GOLGA3: variants seen among roughly 807,000 people sequenced by gnomAD.
GOLGA3 encodes the protein golgin A3.
GOLGA3 carries 75 observed loss-of-function variants against 169.4 expected under a neutral mutation model. The observed-to-expected ratio is 0.44, with a 90% confidence interval of 0.37 to 0.54. The LOEUF (loss-of-function observed/expected upper bound fraction) is 0.54. Ranked by LOEUF, GOLGA3 falls within the 20% of genes least tolerant of loss-of-function variation. The probability of loss-of-function intolerance (pLI) is 0.00; values close to 1 mark genes in which losing one functional copy is unlikely to be tolerated. For synonymous variants in GOLGA3, 824 were observed against 822.4 expected, an observed-to-expected ratio of 1.00 and a Z score of -0.03; for missense variants, 1,899 against 1,930.0, an observed-to-expected ratio of 0.98 and a Z score of 0.30.
intron 2 of GOLGA3, among the ~76,000 whole-genome samples, chr12:132,819,220 G>A (rs1160859737): frequency 6.6e-6 from 1 of 152,144 alleles, no homozygotes; most frequent in East Asian, 1.9e-4. Context: ...TTTGCTTTTT[G>A]CTCAAGCAAA....
At chr12:132,785,438 G>T (rs2045845340) in intron 15 of GOLGA3, among the ~76,000 whole-genome samples, 1 of 152,110 alleles carries the variant, frequency 6.6e-6, no homozygotes, top group Non-Finnish European at 1.5e-5. Context: ...AGTGTCTCAA[G>T]CATCTGTGTC....
At chr12:132,814,407 C>T (rs910063711) in intron 3 of GOLGA3, among the ~76,000 whole-genome samples, 12 of 152,222 alleles carry the variant, frequency 7.9e-5, no homozygotes, top group African/African-American at 2.9e-4. Flanking sequence ...GCTCTCACCA[C>T]GCTGCAACTT....
chr12:132,800,296 C>A (rs984485600), intron 8 of GOLGA3, among the ~76,000 whole-genome samples: 1 of 152,086 alleles, frequency 6.6e-6, no homozygotes, highest in Non-Finnish European at 1.5e-5. Context: ...GAGTTCAAGA[C>A]GAGCTTGGCC....
At chr12:132,808,749 G>A (rs1949552448) in intron 4 of GOLGA3, among the ~76,000 whole-genome samples, 200 bp from the exon 5 acceptor site, 1 of 152,154 alleles carries the variant, frequency 6.6e-6, no homozygotes, top group African/African-American at 2.4e-5. Flanking sequence ...CCCCACTCTA[G>A]TGACCAGCAT....
chr12:132,798,219 C>A, intron 9 of GOLGA3, 121 bp downstream of exon 9: 1 of 958,682 alleles, frequency 1.0e-6, no homozygotes, highest in Non-Finnish European at 1.5e-6. Flanking sequence ...AGTCACTGCC[C>A]GCCATCCATG....
In GOLGA3 at chr12:132,818,828, C is replaced by T. The variant is rs188018740; in HGVS notation, c.134-2016G>A. ...CCGTGAAGCAGAGACAGCCCAGAAC[C>T]GCGCTTCTGCTTGATGACAGCCTGC... On this transcript the variant is annotated intron_variant, in intron 2 of 23. Transcript: ENST00000450791. 6.6e-5 allele frequency among the ~76,000 whole-genome samples: 10 copies of T among 152,022 alleles called. No homozygotes were observed. In the South Asian group the frequency reaches 8.3e-4, roughly 13 times the overall value.
intron 12 of GOLGA3, 109 bp downstream of exon 12, chr12:132,791,107 G>A: frequency 3.9e-6 from 1 of 256,124 alleles, no homozygotes; most frequent in Non-Finnish European, 7.6e-6. Context: ...AACTCAAGAT[G>A]TTACCTTCTT....
chr12:132,820,171 C>T lies in GOLGA3; in HGVS notation c.133+1825G>A, dbSNP rs190305454. ...AGCCTGGACAACAACAGCAAAACTCCGTCTCAAAAAAAAAAAAATCAGCTA... is the reference window on the plus strand; with the variant it reads ...AGCCTGGACAACAACAGCAAAACTCTGTCTCAAAAAAAAAAAAATCAGCTA... On this transcript the variant is annotated intron_variant, in intron 2 of 23. Transcript: ENST00000450791. 3.7e-3 allele frequency among the ~76,000 whole-genome samples: 558 copies of T among 150,552 alleles called. 12 individuals are homozygous for T. In the Middle Eastern group the frequency reaches 0.062, roughly 17 times the overall value.
chr12:132,811,364 C>G (rs900390257), intron 4 of GOLGA3, among the ~76,000 whole-genome samples: 5 of 152,206 alleles, frequency 3.3e-5, no homozygotes, highest in Non-Finnish European at 7.3e-5. Flanking sequence ...GAACCCAGGC[C>G]CTCTGCGGCC....
chr12:132,813,443 G>C, intron 3 of GOLGA3, 24 bp from the exon 4 acceptor site: 1 of 1,328,456 alleles, frequency 7.5e-7, no homozygotes, highest in Non-Finnish European at 1.1e-6. Flanking sequence ...AGGGCAATTT[G>C]GAAACTCATA....
At position 132,826,240 on chromosome 12, in the gene GOLGA3, CAAAAAAAA is replaced by C; in HGVS notation, c.-184+2555_-184+2562del. On this transcript the variant is annotated intron_variant, in intron 1 of 23. Coordinates refer to ENST00000450791, the MANE Select transcript of GOLGA3 (RefSeq NM_001389683.1). ...GAAATAAAGTTATTTTCTCATTCTC[CAAAAAAAA>C]AAAAAAAAAAGAAACTGGAAGAGCA... 5.5e-6 allele frequency: 4 copies of C among 727,624 alleles called. No homozygotes were observed. The South Asian group carries it at 8.1e-5, about 15-fold the overall frequency. 45.1% of individuals were successfully genotyped at this position (727,624 alleles called of 1,614,324 possible). A position where few individuals can be genotyped will look rare whatever the true frequency, so the allele number is the denominator to read the frequency against.
chr12:132,774,449 GGCC>G, intron 22 of GOLGA3, 129 bp from the exon 23 acceptor site: 1 of 979,976 alleles, frequency 1.0e-6, no homozygotes. Flanking sequence ...GGACCGTCCT[GGCC>G]GCCGTGGCAG....
chr12:132,774,467 G>C lies in GOLGA3; in HGVS notation c.4144-147C>G, dbSNP rs1201318560. 60 of 778,584 alleles carry C rather than the reference G, an allele frequency of 7.7e-5. 1 individual carries two copies. The South Asian group carries it at 9.8e-4, about 13-fold the overall frequency. The allele number at this position is 778,584 out of a possible 1,614,324, so 48.2% of individuals were successfully genotyped here. A position where few individuals can be genotyped will look rare whatever the true frequency, so the allele number is the denominator to read the frequency against. The stretch of plus-strand genomic sequence containing the variant: ...CCGTCCTGGCCGCCGTGGCAGCCCA[G>C]CACGACAGTCCCCGGAGCTCCAGAA... On this transcript the variant is annotated intron_variant, in intron 22 of 23. Coordinates refer to ENST00000450791, the MANE Select transcript of GOLGA3 (RefSeq NM_001389683.1).
chr12:132,789,187 C>T lies in GOLGA3; in HGVS notation c.2651G>A (p.Arg884Gln), dbSNP rs558092867. The T allele has an allele frequency of 2.9e-5, 46 of 1,611,826 alleles. No homozygotes were observed. The highest frequency in any genetic ancestry group is 1.7e-4 in the Middle Eastern group (1 of 6,056). Reference protein sequence around the residue: ...KRLDSELKELRQELMQVHGEK... With the variant: ...KRLDSELKELQQELMQVHGEK... Reference sequence around the variant, plus strand: ...CCCGTGCACTTGCATCAGCTCCTGCCGCAGCTCCTTCAGCTCCGAGTCCAG... The same window carrying T: ...CCCGTGCACTTGCATCAGCTCCTGCTGCAGCTCCTTCAGCTCCGAGTCCAG... Residue 884 changes from arginine (R) to glutamine (Q), a missense_variant, in exon 13 of 24, where the codon CGG (arginine) becomes CAG (glutamine). Transcript: ENST00000450791.
Position 132,816,521 on chromosome 12 carries a change from CG to C in GOLGA3, c.406+18del, listed in dbSNP as rs1566138971. On this transcript the variant is annotated intron_variant, in intron 3 of 23. Coordinates refer to ENST00000450791, the MANE Select transcript of GOLGA3 (RefSeq NM_001389683.1). Reference sequence around the variant, plus strand: ...ACGCGGACGTGGAGGGTGGGAAAAGCGGGGTAACGGATGCTTACACAGTTGC... The same window carrying C: ...ACGCGGACGTGGAGGGTGGGAAAAGCGGGTAACGGATGCTTACACAGTTGC... The C allele has an allele frequency of 2.5e-6, 4 of 1,605,834 alleles. No homozygotes were observed. Among genetic ancestry groups the C allele is most frequent in the Non-Finnish European group, 3.4e-6 (4 of 1,173,854 alleles).
rs1223002553 is a variant in GOLGA3 at position 132,826,243 on chromosome 12, A to C, written c.-184+2560T>G. On this transcript the variant is annotated intron_variant, in intron 1 of 23. Transcript: ENST00000450791. ...ATAAAGTTATTTTCTCATTCTCCAA[A>C]AAAAAAAAAAAAAAAGAAACTGGAA... The C allele has an allele frequency of 8.2e-6, 8 of 978,894 alleles. No homozygotes were observed. In the East Asian group the frequency reaches 2.9e-4, roughly 36 times the overall value. The allele number at this position is 978,894 out of a possible 1,614,324, so 60.6% of individuals were successfully genotyped here.
At chr12:132,781,883 C>G (rs1486399967) in intron 17 of GOLGA3, among the ~76,000 whole-genome samples, 1 of 152,160 alleles carries the variant, frequency 6.6e-6, no homozygotes, top group Admixed American at 6.5e-5. Context: ...TGGAACTCAG[C>G]CACACCCACA....
chr12:132,776,766 G>C lies in GOLGA3; in HGVS notation c.3856-10C>G. 1.2e-6 allele frequency: 2 copies of C among 1,613,464 alleles called. No homozygotes were observed. Among genetic ancestry groups the C allele is most frequent in the East Asian group, 2.2e-5 (1 of 44,882 alleles). ...ATTTGAGATTTTCCATCTAAAGAGG[G>C]GAAAGTCACATGGCCAAAAGAATAT... On this transcript the variant is annotated splice_polypyrimidine_tract_variant and intron_variant, in intron 20 of 23. Coordinates refer to ENST00000450791, the MANE Select transcript of GOLGA3 (RefSeq NM_001389683.1).
chr12:132,827,801 C>A (rs2136858549), intron 1 of GOLGA3: 1 of 151,970 alleles, frequency 6.6e-6, no homozygotes, highest in East Asian at 1.9e-4. Flanking sequence ...GGTGTGGCTG[C>A]TCACACCTGT....
Sources: gnomAD v4.1 joint callset for allele counts (sites outside exome capture counted in the v4.1 genomes callset) on GRCh38, gnomAD v4.1.1 for gene constraint, MANE v1.5 for transcripts, NCBI Gene and HGNC (gene_info 2026-07-23, HGNC 2026-07-21) for gene names.